Variants in GLIS3 observed in about 807,000 individuals in gnomAD.
GLIS3 encodes zinc finger protein GLIS3.
GLIS3 carries 53 observed loss-of-function variants against 78.6 expected under a neutral mutation model. The observed-to-expected ratio is 0.67, with a 90% CI of 0.54 to 0.85. The LOEUF (loss-of-function observed/expected upper bound fraction) is 0.85, where lower values mean the gene tolerates loss of function less well. Ranked by LOEUF, GLIS3 falls within the 40% of genes least tolerant of loss-of-function variation. GLIS3 has a pLI of 0.00. For missense variants in GLIS3, 1,703 were observed against 1,231.1 expected (o/e 1.38, Z -5.74); for synonymous variants, 684 against 509.9 (o/e 1.34, Z -4.60).
the GLIS3 span, among the ~76,000 whole-genome samples, chr9:4,443,715 G>A: frequency 2.0e-5 from 3 of 152,222 alleles, no homozygotes; most frequent in Non-Finnish European, 2.9e-5. Flanking sequence ...GTGGGGAACA[G>A]GAAAAGGAGT....
chr9:4,035,644 C>G (rs1425929719), intron 4 of GLIS3, among the ~76,000 whole-genome samples: 1 of 152,022 alleles, frequency 6.6e-6, no homozygotes, highest in Non-Finnish European at 1.5e-5. Context: ...TATACATCTC[C>G]ACCTGGTGCC....
chr9:4,192,587 A>G (rs1818424363), intron 2 of GLIS3, among the ~76,000 whole-genome samples: 1 of 152,222 alleles, frequency 6.6e-6, no homozygotes, highest in Non-Finnish European at 1.5e-5. Flanking sequence ...AAATTGGCTC[A>G]TTTAACTATT....
At chr9:4,135,601 C>T (rs1180622040) in intron 2 of GLIS3, among the ~76,000 whole-genome samples, 1 of 152,104 alleles carries the variant, frequency 6.6e-6, no homozygotes, top group East Asian at 1.9e-4. Context: ...ATATAATATA[C>T]ATATTCATTC....
chr9:3,896,115 C>T (rs1366182317), intron 7 of GLIS3, among the ~76,000 whole-genome samples: 1 of 152,150 alleles, frequency 6.6e-6, no homozygotes, highest in Non-Finnish European at 1.5e-5. Flanking sequence ...TCCTTTTGCA[C>T]CTTTGGCATT....
At chr9:4,452,319 C>T in the GLIS3 span, among the ~76,000 whole-genome samples, 1 of 152,068 alleles carries the variant, frequency 6.6e-6, no homozygotes, top group Non-Finnish European at 1.5e-5. Context: ...GAAGTTCTGG[C>T]CAGGGAAGTC....
chr9:3,969,536 A>G (rs1225564929), intron 4 of GLIS3, among the ~76,000 whole-genome samples: 1 of 152,238 alleles, frequency 6.6e-6, no homozygotes, highest in Non-Finnish European at 1.5e-5. Context: ...CAATTTCATG[A>G]AAGCAGAGAT....
Position 3,898,751 on chromosome 9 carries a change from C to G in GLIS3, c.2068G>C (p.Asp690His), listed in dbSNP as rs1823059482. The change falls in exon 7 of 11, where the codon GAT becomes CAT. Residue 690 changes from aspartate (D) to histidine (H), a missense_variant. Asp to His is a moderately conservative substitution (Grantham distance 81, BLOSUM62 -1). Transcript: ENST00000381971. ...QSLQPATSPR[D>H]AAAEGTVGRS... The stretch of plus-strand genomic sequence containing the variant: ...CCCACGGTCCCTTCAGCAGCAGCAT[C>G]TCTAGGGGAAGTGGCCGGCTGCAGG... 6.2e-7 allele frequency: 1 copy of G among 1,614,072 alleles called. No individual in the cohort carries two copies. The highest frequency in any genetic ancestry group is 1.3e-5 in the African/African-American group (1 of 74,918).
chr9:4,461,801 TCAA>T, the GLIS3 span, among the ~76,000 whole-genome samples: 1 of 152,098 alleles, frequency 6.6e-6, no homozygotes, highest in African/African-American at 2.4e-5. Context: ...AAAATAAAGA[TCAA>T]GTGGAGCTAT....
chr9:4,108,596 G>A (rs995624550), intron 4 of GLIS3, among the ~76,000 whole-genome samples: 5 of 152,130 alleles, frequency 3.3e-5, no homozygotes, highest in African/African-American at 9.7e-5. Context: ...TAGCCACTGG[G>A]ACGAGGGATG....
rs376844361 is a variant in GLIS3, at chr9:3,933,755, T to C, written c.1873-1285A>G. The stretch of plus-strand genomic sequence containing the variant: ...TCTGATTCCTTTTTAATGTTGCTTC[T>C]GTTTTTATGTGCATGTATGTCATTC... On this transcript the variant is annotated intron_variant, in intron 5 of 10. Coordinates refer to ENST00000381971, the MANE Select transcript of GLIS3 (RefSeq NM_001042413.2). Among the ~76,000 whole-genome samples, 9 of 152,344 alleles carry C rather than the reference T, an allele frequency of 5.9e-5. No individual in the cohort carries two copies. In the East Asian group the frequency reaches 1.2e-3, roughly 20 times the overall value.
At chr9:4,432,045 T>A in the GLIS3 span, among the ~76,000 whole-genome samples, 1 of 152,096 alleles carries the variant, frequency 6.6e-6, no homozygotes, top group South Asian at 2.1e-4. Context: ...TGAGCCACAG[T>A]TTGCCGACTT....
chr9:4,201,084 C>G (rs1224672703), intron 2 of GLIS3, among the ~76,000 whole-genome samples: 1 of 152,104 alleles, frequency 6.6e-6, no homozygotes, highest in Non-Finnish European at 1.5e-5. Context: ...AAAACAAAAC[C>G]ACTCGATCAT....
chr9:3,923,508 C>T (rs1484120628), intron 6 of GLIS3, among the ~76,000 whole-genome samples: 1 of 151,424 alleles, frequency 6.6e-6, no homozygotes, highest in East Asian at 1.9e-4. Flanking sequence ...TCACAGACAT[C>T]AGCAAGGTCA....
chr9:3,869,175 G>T (rs73640777), intron 8 of GLIS3, among the ~76,000 whole-genome samples: 10,117 of 152,226 alleles, frequency 0.066, 1,139 homozygotes, highest in African/African-American at 0.23. Flanking sequence ...CTCTAGTGCC[G>T]GGGTAGATTT....
At chr9:4,307,371 C>A (rs1817253568) in intron 4 of GLIS3, among the ~76,000 whole-genome samples, 1 of 152,146 alleles carries the variant, frequency 6.6e-6, no homozygotes, top group Non-Finnish European at 1.5e-5. Context: ...TTATACGACG[C>A]TACCGTGATA....
At chr9:4,298,661 G>A (rs549426173) in intron 1 of GLIS3, among the ~76,000 whole-genome samples, 34 of 152,182 alleles carry the variant, frequency 2.2e-4, no homozygotes, top group Non-Finnish European at 4.6e-4. Flanking sequence ...AAACAGTGCT[G>A]ACATTTTGTC....
intron 8 of GLIS3, among the ~76,000 whole-genome samples, chr9:3,875,784 C>G (rs762787717): frequency 2.6e-5 from 4 of 152,170 alleles, no homozygotes; most frequent in Non-Finnish European, 5.9e-5. Flanking sequence ...ATGGGGCACA[C>G]GTCCAGTAGG....
upstream of GLIS3, among the ~76,000 whole-genome samples, chr9:4,352,356 G>A (rs1254665661): frequency 6.6e-6 from 1 of 152,148 alleles, no homozygotes; most frequent in African/African-American, 2.4e-5. Flanking sequence ...TTTGTGTAGA[G>A]TCCCTTGGTC....
At chr9:4,356,991 A>C in the GLIS3 span, among the ~76,000 whole-genome samples, 1 of 152,232 alleles carries the variant, frequency 6.6e-6, no homozygotes, top group African/African-American at 2.4e-5. Context: ...ACTGTTTCCA[A>C]AGACTAGAAA....
Sources: gnomAD v4.1 joint callset for allele counts (sites outside exome capture counted in the v4.1 genomes callset) on GRCh38, gnomAD v4.1.1 for gene constraint, MANE v1.5 for transcripts, NCBI Gene and HGNC (gene_info 2026-07-23, HGNC 2026-07-21) for gene names.